PIAS4: variants seen among roughly 807,000 people sequenced by gnomAD.
PIAS4 encodes the protein protein inhibitor of activated STAT 4, also known as E3 SUMO-protein ligase PIAS4.
A neutral mutation model predicts 58.0 loss-of-function variants in PIAS4; 7 were observed. The observed-to-expected ratio is 0.12, with a 90% CI of 0.07 to 0.23. PIAS4 has a LOEUF of 0.23. PIAS4 is among the 10% of genes least tolerant of loss of function. The pLI is 1.00. For missense variants in PIAS4, 550 were observed against 709.5 expected (o/e 0.78, Z 2.55); for synonymous variants, 364 against 312.4 (o/e 1.17, Z -1.74).
rs2040319067 is a variant in PIAS4 at position 4,037,926 on chromosome 19, G to A, written c.*51G>A. On this transcript the variant is annotated 3_prime_UTR_variant, in exon 11 of 11. Coordinates refer to ENST00000262971, the MANE Select transcript of PIAS4 (RefSeq NM_015897.4). This position sits in a 1 kb window ranked among gnomAD's most constrained non-coding sequence, Gnocchi z 5.8. ...GGTGCTCACCACGCAGAGGGGCACG[G>A]GCCAGCCTCGGGCGCAGAGGGAGGA... 6.5e-7 allele frequency: 1 copy of A among 1,529,616 alleles called. No homozygotes were observed. 94.8% of individuals were successfully genotyped at this position (1,529,616 alleles called of 1,614,324 possible). A position where few individuals can be genotyped will look rare whatever the true frequency, so the allele number is the denominator to read the frequency against.
At chr19:4,032,425 A>G (rs2040231276) in intron 7 of PIAS4, among the ~76,000 whole-genome samples, 1 of 152,172 alleles carries the variant, frequency 6.6e-6, no homozygotes, top group Non-Finnish European at 1.5e-5. Flanking sequence ...ATGGAGCCAC[A>G]TCCCAGAAGC....
In PIAS4 at chr19:4,032,036, C is replaced by T. The variant is rs145342530; in HGVS notation, c.908-1064C>T. 5.2e-4 allele frequency among the ~76,000 whole-genome samples: 79 copies of T among 152,224 alleles called. No homozygotes were observed. In the South Asian group the frequency reaches 5.8e-3, roughly 11 times the overall value. ...GGGAGCCAGCACGTGGCTGCCACCA[C>T]GTCCCCACGGGAGAAGGAAGAGCCC... is the stretch of plus-strand genomic sequence containing the variant. On this transcript the variant is annotated intron_variant, in intron 7 of 10. Coordinates refer to ENST00000262971, the MANE Select transcript of PIAS4 (RefSeq NM_015897.4).
intron 3 of PIAS4, 61 bp downstream of exon 3, chr19:4,024,181 T>C: frequency 2.4e-6 from 3 of 1,253,122 alleles, no homozygotes; most frequent in Non-Finnish European, 3.5e-6. Flanking sequence ...TCTCCTGGGC[T>C]CACTGGGGAG....
chr19:4,035,721 G>A (rs1160501297), intron 9 of PIAS4, among the ~76,000 whole-genome samples: 3 of 47,510 alleles, frequency 6.3e-5, no homozygotes, highest in Admixed American at 2.9e-4. Flanking sequence ...ACCCACACCC[G>A]CATGCCCACA....
In PIAS4 at chr19:4,013,352, G is replaced by C. The variant is rs1389965694; in HGVS notation, c.454+3G>C. 2 of 1,610,452 alleles carry C rather than the reference G, an allele frequency of 1.2e-6. No individual in the cohort carries two copies. The highest frequency in any genetic ancestry group is 1.7e-6 in the Non-Finnish European group (2 of 1,178,276). On this transcript the variant is annotated splice_donor_region_variant and intron_variant, in intron 2 of 10. Coordinates refer to ENST00000262971, the MANE Select transcript of PIAS4 (RefSeq NM_015897.4). This position sits in a 1 kb window ranked among gnomAD's most constrained non-coding sequence, Gnocchi z 5.1. The stretch of plus-strand genomic sequence containing the variant: ...GCTGCTGAAGCCCACCGAATTAGGT[G>C]AGTGGTCACCCTGGGGAGGCTGCGA...
In PIAS4 at chr19:4,013,498, G is replaced by A. The variant is rs1455242945; in HGVS notation, c.454+149G>A. ...ACAGTGGCCAGGGGTGTCCTTCCTC[G>A]GAAGCAAAGGGACCATCTTTGATAT... On this transcript the variant is annotated intron_variant, in intron 2 of 10. Transcript: ENST00000262971. The surrounding 1 kb of genome is among the most constrained non-coding windows in gnomAD (Gnocchi z 5.1). 3 of 656,478 alleles carry A rather than the reference G, an allele frequency of 4.6e-6. No individual in the cohort carries two copies. The highest frequency in any genetic ancestry group is 1.8e-5 in the African/African-American group (1 of 54,802). The allele number at this position is 656,478 out of a possible 1,614,324, so 40.7% of individuals were successfully genotyped here.
intron 3 of PIAS4, among the ~76,000 whole-genome samples, chr19:4,024,519 G>GC (rs1599224285): frequency 6.6e-6 from 1 of 152,298 alleles, no homozygotes; most frequent in East Asian, 1.9e-4. Context: ...CCTAGGGCAG[G>GC]ATAACCCGGG....
intron 3 of PIAS4, 149 bp downstream of exon 3, chr19:4,024,269 T>C (rs2040140655): frequency 3.1e-6 from 2 of 654,730 alleles, no homozygotes; most frequent in South Asian, 3.5e-5. Flanking sequence ...CCGGGTTTGC[T>C]TCCTTCCAGA....
At chr19:4,025,626 C>G (rs1012594576) in intron 3 of PIAS4, among the ~76,000 whole-genome samples, 30 of 152,202 alleles carry the variant, frequency 2.0e-4, no homozygotes, top group African/African-American at 7.0e-4. Flanking sequence ...CCGAGCCAGG[C>G]TTGGCCATGG....
intron 7 of PIAS4, 40 bp downstream of exon 7, chr19:4,029,076 C>G (rs1261227430): frequency 5.5e-6 from 8 of 1,465,424 alleles, no homozygotes; most frequent in Admixed American, 1.9e-5. Context: ...GGTGCCAAGT[C>G]CACCCTGGAA....
Position 4,036,271 on chromosome 19 carries a change from A to G in PIAS4, c.1143-1103A>G, listed in dbSNP as rs1426617511. ...CACACCATCACATGCACACACATCT[A>G]TATGGTCTACACCGTCACACACACA... On this transcript the variant is annotated intron_variant, in intron 9 of 10. Transcript: ENST00000262971. Among the ~76,000 whole-genome samples, 22 of 111,624 alleles carry G rather than the reference A, an allele frequency of 2.0e-4. 7 individuals are homozygous for G. The Middle Eastern group carries it at 0.019, about 94-fold the overall frequency. 73.2% of individuals were successfully genotyped at this position (111,624 alleles called of 152,430 possible). A position where few individuals can be genotyped will look rare whatever the true frequency, so the allele number is the denominator to read the frequency against.
At chr19:4,012,673 G>A (rs1317241510) in intron 1 of PIAS4, among the ~76,000 whole-genome samples, 2 of 152,066 alleles carry the variant, frequency 1.3e-5, no homozygotes, top group African/African-American at 4.8e-5. Context: ...AAATAGAAGG[G>A]GGGGCCTAGT....
intron 2 of PIAS4, among the ~76,000 whole-genome samples, chr19:4,020,041 C>G (rs753620748): frequency 6.6e-6 from 1 of 151,994 alleles, no homozygotes; most frequent in Admixed American, 6.5e-5. Flanking sequence ...CTCAGCCTCC[C>G]GAGTAGCTGG....
At chr19:4,035,677 A>G (rs1238592741) in intron 9 of PIAS4, among the ~76,000 whole-genome samples, 4 of 147,302 alleles carry the variant, frequency 2.7e-5, no homozygotes, top group Admixed American at 1.4e-4. Context: ...TCTGGCGGGC[A>G]CACAGTGCAA....
At chr19:4,025,476 A>G (rs1282424810) in intron 3 of PIAS4, among the ~76,000 whole-genome samples, 2 of 152,200 alleles carry the variant, frequency 1.3e-5, no homozygotes, top group East Asian at 1.9e-4. Context: ...AGTCCATGGC[A>G]GGGCTGGGCC....
At chr19:4,012,057 G>C (rs989720390) in intron 1 of PIAS4, among the ~76,000 whole-genome samples, 7 of 147,924 alleles carry the variant, frequency 4.7e-5, no homozygotes, top group African/African-American at 1.8e-4. Context: ...GGGTGTGGAG[G>C]TGTGTGGGGT....
intron 2 of PIAS4, 48 bp from the exon 3 acceptor site, chr19:4,023,988 G>A (rs762204663): frequency 4.6e-5 from 60 of 1,317,974 alleles, no homozygotes; most frequent in Non-Finnish European, 6.5e-5. Context: ...TGGGCTCGGG[G>A]GACCTGCCAG....
chr19:4,036,954 C>T (rs959494607), intron 9 of PIAS4, among the ~76,000 whole-genome samples: 1 of 152,082 alleles, frequency 6.6e-6, no homozygotes, highest in Non-Finnish European at 1.5e-5. Flanking sequence ...AGACTCCACA[C>T]ATGCACACGT....
At chr19:4,032,393 C>G (rs2040231101) in intron 7 of PIAS4, among the ~76,000 whole-genome samples, 1 of 152,142 alleles carries the variant, frequency 6.6e-6, no homozygotes, top group African/African-American at 2.4e-5. Flanking sequence ...CTGAGCTACC[C>G]ATGGATGGAG....
Sources: gnomAD v4.1 joint callset for allele counts (sites outside exome capture counted in the v4.1 genomes callset) on GRCh38, gnomAD v4.1.1 for gene constraint, Gnocchi (gnomAD v3.1) non-coding constraint, MANE v1.5 for transcripts, NCBI Gene and HGNC (gene_info 2026-07-23, HGNC 2026-07-21) for gene names.